The following CTNNA3 variants were observed in gnomAD, a reference collection of about 807,000 sequenced individuals.
The protein encoded by CTNNA3 is catenin alpha 3.
Under a neutral mutation model 95.7 loss-of-function variants are expected in CTNNA3, and 76 were observed. The ratio of observed to expected loss-of-function variants is 0.79; its 90% CI spans 0.66 to 0.96. The LOEUF (loss-of-function observed/expected upper bound fraction) is 0.96, where lower values mean the gene tolerates loss of function less well. Ranked by LOEUF, CTNNA3 falls within the 40% of genes least tolerant of loss-of-function variation. CTNNA3 has a pLI of 0.00. For synonymous variants in CTNNA3, 431 were observed against 374.4 expected, an observed-to-expected ratio of 1.15 and a Z score of -1.74; for missense variants, 1,191 against 1,089.8, an observed-to-expected ratio of 1.09 and a Z score of -1.31.
chr10:67,589,417 T>G (rs918478929), intron 3 of CTNNA3, among the ~76,000 whole-genome samples: 1 of 152,082 alleles, frequency 6.6e-6, no homozygotes, highest in Admixed American at 6.6e-5. Flanking sequence ...ACAGTAGACA[T>G]TCAATAAATG....
rs945131523 is a variant in CTNNA3 at position 67,592,330 on chromosome 10, A to G, written c.292+14527T>C. Among the ~76,000 whole-genome samples, 3 of 152,216 alleles carry G rather than the reference A, an allele frequency of 2.0e-5. No individual in the cohort carries two copies. The South Asian group carries it at 6.2e-4, about 32-fold the overall frequency. ...GGACAAGAATTTGCTGAACTGCTGG[A>G]GCAAAATAGCTGTAACATTCCTCCT... On this transcript the variant is annotated intron_variant, in intron 3 of 17. Transcript: ENST00000433211.
intron 5 of CTNNA3, among the ~76,000 whole-genome samples, chr10:67,275,985 A>T (rs1839170278): frequency 6.6e-6 from 1 of 152,200 alleles, no homozygotes; most frequent in Non-Finnish European, 1.5e-5. Context: ...TGGGTTTTAC[A>T]TTATAAATAT....
intron 5 of CTNNA3, among the ~76,000 whole-genome samples, chr10:67,327,123 C>T (rs1841570983): frequency 6.6e-6 from 1 of 152,146 alleles, no homozygotes; most frequent in Non-Finnish European, 1.5e-5. Flanking sequence ...TCAGCTCCTG[C>T]ATCATTTTAT....
intron 1 of CTNNA3, among the ~76,000 whole-genome samples, chr10:67,727,585 A>C (rs1433101446): frequency 1.6e-5 from 2 of 127,696 alleles, no homozygotes; most frequent in Admixed American, 9.3e-5. Context: ...ATAATATATG[A>C]TATATATCAT....
At chr10:66,473,925 T>C (rs1839228600) in intron 11 of CTNNA3, among the ~76,000 whole-genome samples, 1 of 152,094 alleles carries the variant, frequency 6.6e-6, no homozygotes, top group South Asian at 2.1e-4. Context: ...TTGTTGGACA[T>C]TTGGGTTGGT....
chr10:66,143,968 G>A (rs1047227917), intron 13 of CTNNA3, among the ~76,000 whole-genome samples: 1 of 152,236 alleles, frequency 6.6e-6, no homozygotes, highest in Non-Finnish European at 1.5e-5. Context: ...TTTAAAATAT[G>A]TCATAGTATA....
chr10:67,126,848 C>G (rs1250473549), intron 7 of CTNNA3, among the ~76,000 whole-genome samples: 1 of 152,178 alleles, frequency 6.6e-6, no homozygotes, highest in South Asian at 2.1e-4. Flanking sequence ...TTTAACTAGA[C>G]AGGTGTTCTG....
At chr10:67,222,909 C>T (rs1047926657) in intron 5 of CTNNA3, among the ~76,000 whole-genome samples, 2 of 152,186 alleles carry the variant, frequency 1.3e-5, no homozygotes, top group African/African-American at 4.8e-5. Flanking sequence ...TTCTTTTGCT[C>T]TAATGGTAGC....
chr10:67,711,479 GCAA>G (rs1841107909), intron 1 of CTNNA3, among the ~76,000 whole-genome samples: 1 of 152,166 alleles, frequency 6.6e-6, no homozygotes, highest in African/African-American at 2.4e-5. Flanking sequence ...TTATGTTTTA[GCAA>G]AGAAACTGGA....
chr10:67,219,502 T>C, intron 6 of CTNNA3, 105 bp downstream of exon 6: 1 of 1,301,442 alleles, frequency 7.7e-7, no homozygotes, highest in Non-Finnish European at 1.0e-6. Context: ...CTGGATTTTT[T>C]ATTTTCTCAT....
intron 13 of CTNNA3, among the ~76,000 whole-genome samples, chr10:66,195,129 A>G (rs965781572): frequency 3.9e-5 from 6 of 152,106 alleles, no homozygotes; most frequent in African/African-American, 1.4e-4. Context: ...TTGGCCACTG[A>G]TAAATGGAGC....
chr10:66,901,444 G>C (rs1387404707), intron 7 of CTNNA3, among the ~76,000 whole-genome samples: 1 of 152,170 alleles, frequency 6.6e-6, no homozygotes, highest in Non-Finnish European at 1.5e-5. Flanking sequence ...AAAGACCATA[G>C]ATGCTATGAA....
chr10:66,428,432 C>G (rs1202672799), intron 11 of CTNNA3, among the ~76,000 whole-genome samples: 2 of 152,170 alleles, frequency 1.3e-5, no homozygotes, highest in Non-Finnish European at 2.9e-5. Flanking sequence ...CTCTCCACCC[C>G]AAATCAACAG....
chr10:67,214,720 T>C (rs57887809), intron 6 of CTNNA3, among the ~76,000 whole-genome samples: 6,362 of 152,070 alleles, frequency 0.042, 169 homozygotes, highest in South Asian at 0.088. Context: ...GTATCATGTA[T>C]TGAACTCAAG....
At chr10:66,273,311 A>T (rs2091322154) in intron 13 of CTNNA3, among the ~76,000 whole-genome samples, 1 of 152,184 alleles carries the variant, frequency 6.6e-6, no homozygotes, top group Non-Finnish European at 1.5e-5. Flanking sequence ...GGACAAAGGG[A>T]TGATTTACAT....
chr10:66,040,489 A>G (rs530612105), intron 15 of CTNNA3, among the ~76,000 whole-genome samples: 4 of 152,030 alleles, frequency 2.6e-5, no homozygotes, highest in South Asian at 2.1e-4. Flanking sequence ...ATGCCCATCA[A>G]TGGTATACTA....
At chr10:66,400,301 T>G (rs1027130024) in intron 11 of CTNNA3, among the ~76,000 whole-genome samples, 1 of 152,116 alleles carries the variant, frequency 6.6e-6, no homozygotes, top group South Asian at 2.1e-4. Context: ...AGAAACATAA[T>G]CTGTTGGAAC....
At chr10:67,413,217 C>T (rs1384725008) in intron 5 of CTNNA3, among the ~76,000 whole-genome samples, 1 of 152,080 alleles carries the variant, frequency 6.6e-6, no homozygotes, top group Non-Finnish European at 1.5e-5. Flanking sequence ...ATTCATTCTT[C>T]ATCATTCAAT....
intron 6 of CTNNA3, among the ~76,000 whole-genome samples, chr10:67,190,039 C>G (rs936673625): frequency 6.6e-6 from 1 of 152,108 alleles, no homozygotes; most frequent in Non-Finnish European, 1.5e-5. Context: ...GTAGGCATTG[C>G]TGATCATTTT....
Sources: gnomAD v4.1 joint callset for allele counts (sites outside exome capture counted in the v4.1 genomes callset) on GRCh38, gnomAD v4.1.1 for gene constraint, MANE v1.5 for transcripts, NCBI Gene and HGNC (gene_info 2026-07-23, HGNC 2026-07-21) for gene names.